Variants in PPP2R2B observed in about 807,000 individuals in gnomAD.
The protein encoded by PPP2R2B is protein phosphatase 2 regulatory subunit Bbeta, also known as serine/threonine-protein phosphatase 2A 55 kDa regulatory subunit B beta isoform.
Under a neutral mutation model 46.0 loss-of-function variants are expected in PPP2R2B, and 5 were observed. That is an observed-to-expected ratio of 0.11 (90% CI 0.06 to 0.23). The LOEUF is 0.23. Among genes scored for constraint, PPP2R2B ranks in the 10% least tolerant of loss-of-function variants. The pLI is 1.00. For synonymous variants in PPP2R2B, 215 were observed against 206.7 expected (o/e 1.04, Z -0.34); for missense variants, 367 against 575.0 (o/e 0.64, Z 3.70).
At chr5:146,716,875 T>C (rs1293335970) in intron 2 of PPP2R2B, among the ~76,000 whole-genome samples, 3 of 152,218 alleles carry the variant, frequency 2.0e-5, no homozygotes, top group African/African-American at 4.8e-5. Flanking sequence ...GGCTCAAATA[T>C]ACTTTGTGTA....
intron 1 of PPP2R2B, among the ~76,000 whole-genome samples, chr5:146,986,705 C>T (rs1180671033): frequency 6.6e-6 from 1 of 151,970 alleles, no homozygotes; most frequent in Non-Finnish European, 1.5e-5. Flanking sequence ...TTTGAAAATA[C>T]ACAGTCAGAG....
intron 1 of PPP2R2B, among the ~76,000 whole-genome samples, chr5:146,990,522 A>G (rs1396096110): frequency 1.3e-5 from 2 of 152,134 alleles, no homozygotes; most frequent in African/African-American, 4.8e-5. Flanking sequence ...TCACATGAAG[A>G]AGAATGAAAC....
Position 146,638,527 on chromosome 5 carries a change from T to C in PPP2R2B, c.626-112A>G, listed in dbSNP as rs1774972811. The C allele has an allele frequency of 1.3e-5, 13 of 1,016,780 alleles. No individual in the cohort carries two copies. In the South Asian group the frequency reaches 2.2e-4, roughly 17 times the overall value. The allele number at this position is 1,016,780 out of a possible 1,614,324, so 63.0% of individuals were successfully genotyped here. On this transcript the variant is annotated intron_variant, in intron 6 of 9. Transcript: ENST00000394411. ...TAGTAAAATATGTCAACATTTGCTA[T>C]GCACATGGTAGATCCTCATCATAAA...
intron 5 of PPP2R2B, among the ~76,000 whole-genome samples, chr5:146,684,897 G>A (rs1472109796): frequency 1.3e-5 from 2 of 152,132 alleles, no homozygotes; most frequent in Non-Finnish European, 2.9e-5. Context: ...TAGTGACGAG[G>A]CCAGAAATTA....
intron 6 of PPP2R2B, among the ~76,000 whole-genome samples, chr5:146,647,866 T>C (rs939516753): frequency 6.6e-6 from 1 of 152,240 alleles, no homozygotes; most frequent in Non-Finnish European, 1.5e-5. Context: ...AGGCAAAATC[T>C]GTAGGCAGGC....
intron 1 of PPP2R2B, among the ~76,000 whole-genome samples, chr5:146,999,960 C>T: frequency 6.6e-6 from 1 of 152,176 alleles, no homozygotes; most frequent in Non-Finnish European, 1.5e-5. Flanking sequence ...GGGCTCCACC[C>T]TCAGCCTCTG....
At chr5:146,599,070 TA>T (rs1460052934) in intron 8 of PPP2R2B, among the ~76,000 whole-genome samples, 9 of 152,224 alleles carry the variant, frequency 5.9e-5, no homozygotes, top group Admixed American at 5.9e-4. Context: ...AAAATAGGGT[TA>T]GTTTATCTCC....
At chr5:146,741,359 T>C (rs1752865735) in intron 2 of PPP2R2B, among the ~76,000 whole-genome samples, 1 of 152,124 alleles carries the variant, frequency 6.6e-6, no homozygotes, top group Non-Finnish European at 1.5e-5. Flanking sequence ...TCTTATACAT[T>C]AAAAATGTAC....
intron 2 of PPP2R2B, among the ~76,000 whole-genome samples, chr5:146,791,522 T>A (rs1263639870): frequency 6.6e-6 from 1 of 152,094 alleles, no homozygotes; most frequent in East Asian, 1.9e-4. Context: ...AAATCCAACT[T>A]GGACCAATGA....
At chr5:146,890,637 A>C (rs1235393407) in intron 1 of PPP2R2B, among the ~76,000 whole-genome samples, 3 of 152,360 alleles carry the variant, frequency 2.0e-5, no homozygotes, top group Middle Eastern at 6.8e-3. Flanking sequence ...GGTTGTATAT[A>C]TTTTAAAACT....
At chr5:146,757,050 G>T (rs1039183919) in intron 2 of PPP2R2B, among the ~76,000 whole-genome samples, 4 of 152,148 alleles carry the variant, frequency 2.6e-5, no homozygotes, top group South Asian at 2.1e-4. Context: ...GATGTGAAAG[G>T]CCAGCCTTTC....
At chr5:146,674,279 A>G (rs1777565288) in intron 5 of PPP2R2B, among the ~76,000 whole-genome samples, 1 of 152,208 alleles carries the variant, frequency 6.6e-6, no homozygotes, top group Non-Finnish European at 1.5e-5. Context: ...TAAAAGGCTC[A>G]GAGTCATACA....
intron 2 of PPP2R2B, among the ~76,000 whole-genome samples, chr5:146,770,550 G>A (rs1754788473): frequency 1.3e-5 from 2 of 152,068 alleles, no homozygotes; most frequent in East Asian, 3.9e-4. Flanking sequence ...GAAATTACTA[G>A]GTGTTATGAT....
intron 5 of PPP2R2B, among the ~76,000 whole-genome samples, chr5:146,668,261 C>A (rs1490435334): frequency 6.6e-6 from 1 of 152,168 alleles, no homozygotes; most frequent in East Asian, 1.9e-4. Context: ...GTAACTTGAG[C>A]TCCTAGTGTT....
At chr5:146,708,409 G>A (rs1185621681) in intron 2 of PPP2R2B, among the ~76,000 whole-genome samples, 2 of 45,656 alleles carry the variant, frequency 4.4e-5, no homozygotes, top group South Asian at 9.6e-4. Flanking sequence ...GTGTGTGTAT[G>A]TGTGTGTGTG....
intron 1 of PPP2R2B, among the ~76,000 whole-genome samples, chr5:146,965,763 T>C (rs759845919): frequency 6.6e-6 from 1 of 152,238 alleles, no homozygotes; most frequent in African/African-American, 2.4e-5. Context: ...CTTATCTTGA[T>C]AATAATTCTT....
intron 1 of PPP2R2B, among the ~76,000 whole-genome samples, chr5:146,985,810 T>C (rs572332093): frequency 6.6e-6 from 1 of 152,270 alleles, no homozygotes; most frequent in Admixed American, 6.5e-5. Flanking sequence ...CATAATTTTA[T>C]ATAAAAATCC....
chr5:146,747,169 C>T (rs1303394526), intron 2 of PPP2R2B, among the ~76,000 whole-genome samples: 1 of 152,204 alleles, frequency 6.6e-6, no homozygotes, highest in Non-Finnish European at 1.5e-5. Flanking sequence ...GTACCCCATT[C>T]CTAATCATCC....
chr5:146,974,690 A>ATT (rs1752817151), intron 1 of PPP2R2B, among the ~76,000 whole-genome samples: 1 of 141,620 alleles, frequency 7.1e-6, no homozygotes, highest in African/African-American at 2.6e-5. Context: ...AAATAAAAGG[A>ATT]ATTTTTTTTT....
Sources: gnomAD v4.1 joint callset for allele counts (sites outside exome capture counted in the v4.1 genomes callset) on GRCh38, gnomAD v4.1.1 for gene constraint, MANE v1.5 for transcripts, NCBI Gene and HGNC (gene_info 2026-07-23, HGNC 2026-07-21) for gene names.